Variants in SUN3 observed in about 807,000 individuals in gnomAD.
The protein encoded by SUN3 is Sad1 and UNC84 domain containing 3, also known as SUN domain-containing protein 3.
A neutral mutation model predicts 48.2 loss-of-function variants in SUN3; 36 were observed. The ratio of observed to expected loss-of-function variants is 0.75; its 90% CI spans 0.57 to 0.99. The LOEUF is 0.99. Ranked by LOEUF, SUN3 falls within the 50% of genes least tolerant of loss-of-function variation. The probability of loss-of-function intolerance (pLI) is 0.00; values close to 1 mark genes in which losing one functional copy is unlikely to be tolerated. For synonymous variants in SUN3, 148 were observed against 147.9 expected (o/e 1.00, Z 0.00); for missense variants, 419 against 433.1 (o/e 0.97, Z 0.29).
chr7:48,011,892 G>A (rs1302416413), intron 3 of SUN3, among the ~76,000 whole-genome samples: 1 of 152,196 alleles, frequency 6.6e-6, no homozygotes, highest in Non-Finnish European at 1.5e-5. Flanking sequence ...TGAAATTCTT[G>A]AAAGTTATTA....
intron 6 of SUN3, among the ~76,000 whole-genome samples, chr7:47,997,627 G>C (rs1174971536): frequency 6.6e-6 from 1 of 151,984 alleles, no homozygotes; most frequent in Non-Finnish European, 1.5e-5. Context: ...TATGATTCAG[G>C]GTTTTGTATT....
intron 6 of SUN3, among the ~76,000 whole-genome samples, chr7:47,999,830 T>G (rs1271059167): frequency 6.6e-6 from 1 of 152,252 alleles, no homozygotes; most frequent in Admixed American, 6.5e-5. Context: ...CCACTGTGCC[T>G]GGCCTCCATT....
Position 48,006,058 on chromosome 7 carries a change from A to G in SUN3, c.493-5T>C, listed in dbSNP as rs1789517628. 1.3e-6 allele frequency: 2 copies of G among 1,576,252 alleles called. No homozygotes were observed. The highest frequency in any genetic ancestry group is 8.7e-7 in the Non-Finnish European group (1 of 1,154,058). Reference sequence around the variant, plus strand: ...ATTGACCAAGTTTGACACTTCCTGTAGAAATTTTATAAACAGTTTTCTGTT... The same window carrying G: ...ATTGACCAAGTTTGACACTTCCTGTGGAAATTTTATAAACAGTTTTCTGTT... On this transcript the variant is annotated splice_region_variant and splice_polypyrimidine_tract_variant and intron_variant, in intron 5 of 9. Transcript: ENST00000297325.
chr7:48,009,121 C>A, intron 3 of SUN3, 46 bp from the exon 4 acceptor site: 2 of 1,545,552 alleles, frequency 1.3e-6, no homozygotes, highest in South Asian at 1.2e-5. Context: ...TCTGCTTATT[C>A]AAATAGAGTC....
chr7:47,994,564 C>G, intron 7 of SUN3, 82 bp from the exon 8 acceptor site: 1 of 1,400,716 alleles, frequency 7.1e-7, no homozygotes, highest in East Asian at 2.4e-5. Flanking sequence ...TCACTATTGA[C>G]TGCAGATCTC....
chr7:48,026,044 C>T, intron 1 of SUN3, 106 bp from the exon 2 acceptor site: 1 of 719,374 alleles, frequency 1.4e-6, no homozygotes, highest in Non-Finnish European at 2.4e-6. Flanking sequence ...TATTTTCATT[C>T]TTGCTTAATC....
the SUN3 span, chr7:48,035,431 C>T: frequency 5.6e-5 from 38 of 677,720 alleles, no homozygotes; most frequent in Non-Finnish European, 9.1e-5. This position sits in a 1 kb window ranked among gnomAD's most constrained non-coding sequence, Gnocchi z 4.0. Context: ...CCACCGCTCC[C>T]CCTCAGGCTT....
intron 6 of SUN3, among the ~76,000 whole-genome samples, chr7:48,002,805 A>G (rs1486163304): frequency 1.3e-5 from 2 of 152,192 alleles, no homozygotes; most frequent in Non-Finnish European, 2.9e-5. Flanking sequence ...ATCTTTGCCC[A>G]TGCCTATGTC....
At chr7:47,991,833 G>A (rs1459988057) in intron 8 of SUN3, among the ~76,000 whole-genome samples, 1 of 152,124 alleles carries the variant, frequency 6.6e-6, no homozygotes, top group African/African-American at 2.4e-5. Context: ...GCCCAAATCT[G>A]CGGCTTAGCT....
intron 3 of SUN3, among the ~76,000 whole-genome samples, chr7:48,009,916 G>A (rs1167099824): frequency 6.6e-6 from 1 of 152,074 alleles, no homozygotes; most frequent in African/African-American, 2.4e-5. Flanking sequence ...GAAGAACTTG[G>A]GTCTGGGTGG....
intron 6 of SUN3, among the ~76,000 whole-genome samples, chr7:47,997,543 T>A (rs1267120387): frequency 6.6e-6 from 1 of 152,212 alleles, no homozygotes; most frequent in Non-Finnish European, 1.5e-5. Context: ...ATTCATTTTC[T>A]CATTCATTAA....
chr7:48,030,219 G>C (rs1271765560), upstream of SUN3, among the ~76,000 whole-genome samples: 3 of 152,092 alleles, frequency 2.0e-5, no homozygotes, highest in Non-Finnish European at 4.4e-5. Context: ...GGGTGAATTT[G>C]TAAGTGTTAT....
At chr7:48,004,927 A>C (rs1026115960) in intron 6 of SUN3, among the ~76,000 whole-genome samples, 6 of 152,218 alleles carry the variant, frequency 3.9e-5, no homozygotes, top group African/African-American at 1.4e-4. Flanking sequence ...CATTGTAATC[A>C]GTTGGAAGAG....
Position 48,025,948 on chromosome 7 carries a change from T to A in SUN3, c.123-10A>T, listed in dbSNP as rs1240211617. The A allele has an allele frequency of 6.4e-7, 1 of 1,572,204 alleles. No homozygotes were observed. The highest frequency in any genetic ancestry group is 8.7e-7 in the Non-Finnish European group (1 of 1,147,990). On this transcript the variant is annotated splice_polypyrimidine_tract_variant and intron_variant, in intron 1 of 9. Transcript: ENST00000297325. ...CCATGATCGAGTTACCCTAAAAGAA[T>A]AAAAACAATGATTAGAAAAAGAATT... is the stretch of plus-strand genomic sequence containing the variant.
At chr7:48,012,907 C>T (rs1038622791) in intron 3 of SUN3, among the ~76,000 whole-genome samples, 1 of 152,200 alleles carries the variant, frequency 6.6e-6, no homozygotes, top group African/African-American at 2.4e-5. Context: ...CGCCCTTTGA[C>T]CTCCTACCAC....
chr7:48,004,564 G>A (rs1216690011), intron 6 of SUN3, among the ~76,000 whole-genome samples: 7 of 152,254 alleles, frequency 4.6e-5, no homozygotes, highest in Admixed American at 2.6e-4. Context: ...GCAGCTGAGA[G>A]GTGAGGCCAG....
At chr7:48,025,731 C>A in intron 2 of SUN3, 146 bp downstream of exon 2, 2 of 450,338 alleles carry the variant, frequency 4.4e-6, no homozygotes, top group Non-Finnish European at 8.0e-6. Context: ...AAAAAACAAA[C>A]GAAAAAGCTT....
chr7:48,001,225 C>T (rs1789357516), intron 6 of SUN3, among the ~76,000 whole-genome samples: 2 of 152,146 alleles, frequency 1.3e-5, no homozygotes, highest in Middle Eastern at 6.8e-3. Context: ...TTTCCTGATC[C>T]TCTCCCTTCT....
chr7:47,997,643 C>G (rs1249538254), intron 6 of SUN3, among the ~76,000 whole-genome samples: 2 of 152,132 alleles, frequency 1.3e-5, no homozygotes, highest in African/African-American at 4.8e-5. Context: ...GTATTATATT[C>G]TTAGAGTTGC....
Sources: allele counts gnomAD v4.1 joint callset (sites outside exome capture counted in the v4.1 genomes callset), GRCh38; gene constraint gnomAD v4.1.1; non-coding constraint Gnocchi (gnomAD v3.1); transcripts MANE v1.5; gene names NCBI Gene and HGNC (gene_info 2026-07-23, HGNC 2026-07-21).